The following EHMT1 variants were observed in gnomAD, a reference collection of about 807,000 sequenced individuals.
The protein encoded by EHMT1 is histone-lysine N-methyltransferase EHMT1.
Under a neutral mutation model 147.2 loss-of-function variants are expected in EHMT1, and 15 were observed. The observed-to-expected ratio is 0.10, with a 90% CI of 0.07 to 0.16. The LOEUF (loss-of-function observed/expected upper bound fraction) is 0.16, where lower values mean the gene tolerates loss of function less well. EHMT1 is among the 10% of genes least tolerant of loss of function. The pLI is 1.00. For missense variants in EHMT1, 1,587 were observed against 1,772.4 expected (o/e 0.90, Z 1.88); for synonymous variants, 795 against 709.6 (o/e 1.12, Z -1.91).
intron 1 of EHMT1, among the ~76,000 whole-genome samples, chr9:137,670,072 C>T (rs984685494): frequency 2.0e-5 from 3 of 152,162 alleles, no homozygotes; most frequent in African/African-American, 7.2e-5. Context: ...GTTGGCCAGG[C>T]TGGTGTCTAA....
rs1952049663 is a variant in EHMT1 at position 137,787,221 on chromosome 9, ATGT to A, written c.2383-3623_2383-3621del. 1 of 152,342 alleles carries A rather than the reference ATGT, an allele frequency of 6.6e-6. No homozygotes were observed. Among genetic ancestry groups the A allele is most frequent in the African/African-American group, 2.4e-5 (1 of 41,414 alleles). 9.4% of individuals were successfully genotyped at this position (152,342 alleles called of 1,614,324 possible). On this transcript the variant is annotated intron_variant, in intron 15 of 26. Coordinates refer to ENST00000460843, the MANE Select transcript of EHMT1 (RefSeq NM_024757.5). The surrounding 1 kb of genome is among the most constrained non-coding windows in gnomAD (Gnocchi z 4.2). The stretch of plus-strand genomic sequence containing the variant: ...TTCTGTCATCTCTCATTAAAAAAAA[ATGT>A]TGTAAATTCCTTTACTGTTATCTCC...
chr9:137,673,687 G>A (rs559473909), intron 1 of EHMT1, among the ~76,000 whole-genome samples: 2 of 152,364 alleles, frequency 1.3e-5, no homozygotes, highest in South Asian at 2.1e-4. Context: ...GGCTCTGGCC[G>A]GGGCTGCCAG....
At chr9:137,822,676 C>G (rs189511209) in intron 25 of EHMT1, among the ~76,000 whole-genome samples, 1 of 152,026 alleles carries the variant, frequency 6.6e-6, no homozygotes, top group Non-Finnish European at 1.5e-5. Context: ...GGGCGGATCA[C>G]GAGGTCAGTA....
chr9:137,620,104 A>G (rs1033644536), intron 1 of EHMT1: 4 of 152,012 alleles, frequency 2.6e-5, no homozygotes, highest in African/African-American at 9.7e-5. Context: ...TTTTTCCTGC[A>G]TTTTTGGGGG....
chr9:137,623,350 C>T lies in EHMT1; in HGVS notation c.21+4301C>T, dbSNP rs562132563. The stretch of plus-strand genomic sequence containing the variant: ...CCTCCTGGTGATGGAACACACTCTC[C>T]GTTAGCTAGCCAGGAAGGTGTGGTA... On this transcript the variant is annotated intron_variant, in intron 1 of 26. Coordinates refer to ENST00000460843, the MANE Select transcript of EHMT1 (RefSeq NM_024757.5). Among the ~76,000 whole-genome samples, 51 of 152,192 alleles carry T rather than the reference C, an allele frequency of 3.4e-4. No individual in the cohort carries two copies. The East Asian group carries it at 3.9e-3, about 12-fold the overall frequency.
In EHMT1 at chr9:137,834,695, G is replaced by A. The variant is rs1052723025; in HGVS notation, c.3717-78G>A. 8.1e-6 allele frequency: 13 copies of A among 1,609,312 alleles called. No homozygotes were observed. In the Admixed American group the frequency reaches 1.8e-4, roughly 23 times the overall value. On this transcript the variant is annotated intron_variant, in intron 26 of 26. Coordinates refer to ENST00000460843, the MANE Select transcript of EHMT1 (RefSeq NM_024757.5). The stretch of plus-strand genomic sequence containing the variant: ...GGCAGATCGGGGTGAGGAAGCTTTG[G>A]CCTTGCCTTAATTTATCTGGCTTGT...
At chr9:137,640,027 C>T (rs1361012363) in intron 1 of EHMT1, among the ~76,000 whole-genome samples, 9 of 152,070 alleles carry the variant, frequency 5.9e-5, no homozygotes, top group South Asian at 2.1e-4. Context: ...CTCTGCCTCC[C>T]GGGTTCGAGT....
intron 19 of EHMT1, among the ~76,000 whole-genome samples, chr9:137,812,262 C>T (rs1055697709): frequency 3.9e-5 from 6 of 152,220 alleles, no homozygotes; most frequent in Non-Finnish European, 8.8e-5. Context: ...CGCTTGAACC[C>T]AGGAGGCAAG....
At chr9:137,714,749 ATG>A (rs1205801594) in intron 2 of EHMT1, among the ~76,000 whole-genome samples, 2 of 151,646 alleles carry the variant, frequency 1.3e-5, no homozygotes, top group East Asian at 3.9e-4. Flanking sequence ...GAGTCTCACT[ATG>A]TTGCCCAGGT....
chr9:137,624,374 C>T (rs1433560043), intron 1 of EHMT1, among the ~76,000 whole-genome samples: 1 of 148,916 alleles, frequency 6.7e-6, no homozygotes, highest in Non-Finnish European at 1.5e-5. Flanking sequence ...GGCTGGCATG[C>T]AGTGGTGTGT....
Position 137,748,184 on chromosome 9 carries a change from G to A in EHMT1, c.1170+4094G>A, listed in dbSNP as rs565117637. Among the ~76,000 whole-genome samples, 10 of 152,228 alleles carry A rather than the reference G, an allele frequency of 6.6e-5. No individual in the cohort carries two copies. The South Asian group carries it at 2.1e-3, about 32-fold the overall frequency. On this transcript the variant is annotated intron_variant, in intron 6 of 26. Coordinates refer to ENST00000460843, the MANE Select transcript of EHMT1 (RefSeq NM_024757.5). ...GGTGCCTTTTTCACTATCATTCATG[G>A]AATTACATGTGATGGCGGCTTTGCT...
intron 16 of EHMT1, among the ~76,000 whole-genome samples, chr9:137,795,447 A>T (rs58902957): frequency 1.7e-4 from 15 of 88,958 alleles, no homozygotes; most frequent in East Asian, 8.7e-4. Flanking sequence ...TCACATACAC[A>T]CACAGACACA....
intron 3 of EHMT1, among the ~76,000 whole-genome samples, chr9:137,726,393 T>C (rs1250289562): frequency 1.3e-5 from 2 of 152,220 alleles, no homozygotes; most frequent in African/African-American, 4.8e-5. Context: ...GTGGCTGACT[T>C]ACTTCATTCG....
intron 1 of EHMT1, among the ~76,000 whole-genome samples, chr9:137,635,675 T>C (rs111534706): frequency 0.42 from 63,297 of 149,956 alleles, 14,988 homozygotes; most frequent in African/African-American, 0.63. Context: ...AAAAAATTAG[T>C]GGGACGTGGT....
intron 25 of EHMT1, among the ~76,000 whole-genome samples, chr9:137,827,264 C>CTA (rs1955870734): frequency 6.6e-6 from 1 of 152,190 alleles, no homozygotes; most frequent in African/African-American, 2.4e-5. Context: ...AAGTCCAGGG[C>CTA]AGGCTCTGGT....
chr9:137,623,904 C>T (rs1286811029), intron 1 of EHMT1, among the ~76,000 whole-genome samples: 7 of 152,056 alleles, frequency 4.6e-5, no homozygotes, highest in Non-Finnish European at 7.4e-5. Context: ...GCAGCCTTGA[C>T]CTCCCGGGCT....
At position 137,743,550 on chromosome 9, in the gene EHMT1, G is replaced by A. The variant is rs763977391; in HGVS notation, c.981+22G>A. The A allele has an allele frequency of 4.3e-6, 7 of 1,613,990 alleles. No individual in the cohort carries two copies. The South Asian group carries it at 7.7e-5, about 18-fold the overall frequency. On this transcript the variant is annotated intron_variant, in intron 5 of 26. Transcript: ENST00000460843. ...CAAGGTAAGAGACGCATTTGAGTGA[G>A]TTGCCACGTGTGCGTGGAAATGCGT... is the stretch of plus-strand genomic sequence containing the variant.
At chr9:137,767,305 T>C (rs887217977) in intron 10 of EHMT1, among the ~76,000 whole-genome samples, 1 of 152,158 alleles carries the variant, frequency 6.6e-6, no homozygotes, top group South Asian at 2.1e-4. Flanking sequence ...TCTAACATAG[T>C]CACGTGCTGC....
chr9:137,771,237 TCA>T lies in EHMT1; in HGVS notation c.1648-3867_1648-3866del, dbSNP rs372659129. Among the ~76,000 whole-genome samples the T allele has an allele frequency of 8.6e-3, 1,241 of 144,954 alleles. 12 individuals are homozygous for T. Among genetic ancestry groups the T allele is most frequent in the African/African-American group, 0.031 (1,182 of 37,962 alleles). ...TTTTTTGAGATGGAGTCTTGCTCTG[TCA>T]CACAGGCTGGAGTGCAGTGGCGTAA... On this transcript the variant is annotated intron_variant, in intron 10 of 26. Transcript: ENST00000460843.
Sources: gnomAD v4.1 joint callset for allele counts (sites outside exome capture counted in the v4.1 genomes callset) on GRCh38, gnomAD v4.1.1 for gene constraint, Gnocchi (gnomAD v3.1) non-coding constraint, MANE v1.5 for transcripts, NCBI Gene and HGNC (gene_info 2026-07-23, HGNC 2026-07-21) for gene names.